Variants in PCDH9 observed in about 807,000 individuals in gnomAD.
PCDH9 encodes the protein protocadherin 9, also known as protocadherin-9.
PCDH9 carries 24 observed loss-of-function variants against 70.6 expected under a neutral mutation model. The observed-to-expected ratio is 0.34, with a 90% CI of 0.25 to 0.48. The LOEUF is 0.48. Ranked by LOEUF, PCDH9 falls within the 20% of genes least tolerant of loss-of-function variation. The pLI is 0.99. For missense variants in PCDH9, 1,281 were observed against 1,503.6 expected (o/e 0.85, Z 2.45); for synonymous variants, 562 against 558.5 (o/e 1.01, Z -0.09).
At chr13:66,616,484 CT>C (rs60587237) in intron 4 of PCDH9, among the ~76,000 whole-genome samples, 9 of 116,670 alleles carry the variant, frequency 7.7e-5, no homozygotes, top group African/African-American at 2.2e-4. Context: ...TTCTAAAATT[CT>C]TTTTTTTTTT....
At chr13:67,032,127 T>G (rs894801312) in intron 2 of PCDH9, among the ~76,000 whole-genome samples, 1 of 152,150 alleles carries the variant, frequency 6.6e-6, no homozygotes, top group African/African-American at 2.4e-5. Flanking sequence ...TCTAAATGGC[T>G]TTTAAAGTTT....
intron 4 of PCDH9, among the ~76,000 whole-genome samples, chr13:66,352,840 CT>C (rs776964731): frequency 6.6e-6 from 1 of 152,150 alleles, no homozygotes; most frequent in Non-Finnish European, 1.5e-5. Context: ...CAAAATAAAA[CT>C]GTTAGTTGAC....
intron 4 of PCDH9, among the ~76,000 whole-genome samples, chr13:66,546,846 G>T (rs560618498): frequency 6.6e-6 from 1 of 152,128 alleles, no homozygotes; most frequent in African/African-American, 2.4e-5. Flanking sequence ...CATATGTTTA[G>T]GTACACAAAT....
chr13:66,973,842 C>T (rs897931803), intron 2 of PCDH9, among the ~76,000 whole-genome samples: 2 of 151,980 alleles, frequency 1.3e-5, no homozygotes, highest in African/African-American at 4.8e-5. Flanking sequence ...GGAGCCATTT[C>T]CCCAAGGTTT....
chr13:67,108,586 T>C (rs1316118481), intron 2 of PCDH9, among the ~76,000 whole-genome samples: 2 of 152,202 alleles, frequency 1.3e-5, no homozygotes, highest in African/African-American at 2.4e-5. Flanking sequence ...TCATTAGTAT[T>C]GCATGGCATA....
intron 4 of PCDH9, among the ~76,000 whole-genome samples, chr13:66,624,459 G>A (rs2077472852): frequency 6.6e-6 from 1 of 152,156 alleles, no homozygotes; most frequent in Non-Finnish European, 1.5e-5. Flanking sequence ...GATTAAGTGT[G>A]CTCTAGGTCT....
intron 2 of PCDH9, among the ~76,000 whole-genome samples, chr13:66,921,680 T>A (rs1338790656): frequency 6.6e-6 from 1 of 151,308 alleles, no homozygotes; most frequent in Non-Finnish European, 1.5e-5. Flanking sequence ...ATACACAGGA[T>A]TTATGTCTCA....
In PCDH9 at chr13:67,083,555, A is replaced by G. The variant is rs2086030267; in HGVS notation, c.3036+141850T>C. On this transcript the variant is annotated intron_variant, in intron 2 of 4. Transcript: ENST00000377865. ...CTAAATATCCTTACAAGATCTCATG[A>G]GCCAAGTATTTCCTTTTATTTTTAA... Among the ~76,000 whole-genome samples, 3 of 152,180 alleles carry G rather than the reference A, an allele frequency of 2.0e-5. No individual in the cohort carries two copies. The South Asian group carries it at 6.2e-4, about 32-fold the overall frequency.
chr13:66,858,196 T>G (rs1370722279), intron 3 of PCDH9, among the ~76,000 whole-genome samples: 1 of 152,208 alleles, frequency 6.6e-6, no homozygotes, highest in Non-Finnish European at 1.5e-5. Context: ...TCCTAGAGAT[T>G]ACATTGTGGA....
chr13:66,958,354 T>G (rs2083294736), intron 2 of PCDH9, among the ~76,000 whole-genome samples: 1 of 152,102 alleles, frequency 6.6e-6, no homozygotes, highest in Non-Finnish European at 1.5e-5. Context: ...TCTAAAGAAG[T>G]AGAGATTGCT....
At chr13:66,662,754 G>A (rs548547125) in intron 3 of PCDH9, among the ~76,000 whole-genome samples, 50 of 152,212 alleles carry the variant, frequency 3.3e-4, no homozygotes, top group African/African-American at 1.1e-3. Flanking sequence ...AATAACTCCA[G>A]TTCAAGGGCA....
intron 3 of PCDH9, chr13:66,782,567 A>C (rs1012131881): frequency 3.3e-5 from 5 of 152,212 alleles, no homozygotes; most frequent in African/African-American, 1.2e-4. Flanking sequence ...ATATTTTTGC[A>C]GCAATTTCCT....
intron 2 of PCDH9, among the ~76,000 whole-genome samples, chr13:67,166,027 T>G (rs1426524635): frequency 6.6e-6 from 1 of 152,202 alleles, no homozygotes; most frequent in Non-Finnish European, 1.5e-5. Flanking sequence ...AAATCTTTTT[T>G]TCTCTTGAGT....
intron 2 of PCDH9, among the ~76,000 whole-genome samples, chr13:67,158,869 A>G (rs1307415335): frequency 2.6e-5 from 4 of 152,212 alleles, no homozygotes; most frequent in Admixed American, 6.5e-5. Context: ...TGACTCAAGC[A>G]AAGGATACAT....
chr13:66,738,895 G>A (rs2079205637), intron 3 of PCDH9, among the ~76,000 whole-genome samples: 1 of 148,206 alleles, frequency 6.7e-6, no homozygotes. Context: ...GCGGAGAATG[G>A]AACCAAGTTG....
chr13:66,435,332 A>C, intron 4 of PCDH9, among the ~76,000 whole-genome samples: 1 of 152,300 alleles, frequency 6.6e-6, no homozygotes, highest in East Asian at 1.9e-4. Context: ...AGGGACATTA[A>C]ATATGTCCAC....
chr13:66,797,226 G>T (rs1229494446), intron 3 of PCDH9, among the ~76,000 whole-genome samples: 1 of 152,018 alleles, frequency 6.6e-6, no homozygotes, highest in African/African-American at 2.4e-5. Context: ...CATTAGTTAG[G>T]CATTGCTCTA....
chr13:67,184,502 G>C (rs2088698382), intron 2 of PCDH9, among the ~76,000 whole-genome samples: 1 of 152,128 alleles, frequency 6.6e-6, no homozygotes, highest in African/African-American at 2.4e-5. Context: ...GCTAAGGCGG[G>C]CAGTCTCCTT....
At chr13:66,515,794 T>C (rs924964616) in intron 4 of PCDH9, among the ~76,000 whole-genome samples, 1 of 152,038 alleles carries the variant, frequency 6.6e-6, no homozygotes, top group Non-Finnish European at 1.5e-5. Context: ...CAAATCAAAT[T>C]TGTTGCTTAC....
Sources: gnomAD v4.1 joint callset for allele counts (sites outside exome capture counted in the v4.1 genomes callset) on GRCh38, gnomAD v4.1.1 for gene constraint, MANE v1.5 for transcripts, NCBI Gene and HGNC (gene_info 2026-07-23, HGNC 2026-07-21) for gene names.